The following MAPKAP1 variants were observed in gnomAD, a reference collection of about 807,000 sequenced individuals.
The protein encoded by MAPKAP1 is MAPK associated protein 1.
Under a neutral mutation model 65.7 loss-of-function variants are expected in MAPKAP1, and 20 were observed. The observed-to-expected ratio is 0.30, with a 90% CI of 0.21 to 0.44. The LOEUF (loss-of-function observed/expected upper bound fraction) is 0.44, where lower values mean the gene tolerates loss of function less well. Ranked by LOEUF, MAPKAP1 falls within the 20% of genes least tolerant of loss-of-function variation. The pLI is 1.00. For synonymous variants in MAPKAP1, 222 were observed against 244.3 expected (o/e 0.91, Z 0.85); for missense variants, 423 against 648.0 (o/e 0.65, Z 3.77).
chr9:125,558,906 A>C (rs1274594488), intron 6 of MAPKAP1, among the ~76,000 whole-genome samples: 1 of 152,226 alleles, frequency 6.6e-6, no homozygotes, highest in Non-Finnish European at 1.5e-5. Context: ...CTCTGTCATG[A>C]ACAGAAGTCA....
chr9:125,509,245 T>C lies in MAPKAP1; in HGVS notation c.959-2828A>G, dbSNP rs1829231577. Among the ~76,000 whole-genome samples the C allele has an allele frequency of 2.0e-5, 3 of 150,848 alleles. No homozygotes were observed. In the South Asian group the frequency reaches 6.3e-4, roughly 32 times the overall value. ...AAATATCACGTGTACTCCACAGATA[T>C]ATATAAACATTATGTATGAATTTTA... On this transcript the variant is annotated intron_variant, in intron 7 of 11. Coordinates refer to ENST00000265960, the MANE Select transcript of MAPKAP1 (RefSeq NM_001006617.3).
rs143369320 is a variant in MAPKAP1 at position 125,634,939 on chromosome 9, C to T, written c.498+22712G>A. Among the ~76,000 whole-genome samples, 933 of 152,246 alleles carry T rather than the reference C, an allele frequency of 6.1e-3. 16 individuals carry two copies. The highest frequency in any genetic ancestry group is 0.022 in the African/African-American group (897 of 41,530). On this transcript the variant is annotated intron_variant, in intron 4 of 11. Coordinates refer to ENST00000265960, the MANE Select transcript of MAPKAP1 (RefSeq NM_001006617.3). ...AACAAGGAAAGAACAGAAGCTGGGA[C>T]AGTAATCCACACTTTTGATGGCTAG...
intron 10 of MAPKAP1, among the ~76,000 whole-genome samples, chr9:125,449,277 A>T (rs895679102): frequency 3.3e-5 from 5 of 152,064 alleles, no homozygotes; most frequent in Non-Finnish European, 7.4e-5. Flanking sequence ...GCTGTAAAGG[A>T]GGGGATAGCA....
At position 125,439,736 on chromosome 9, in the gene MAPKAP1, C is replaced by T. The variant is rs1852412752; in HGVS notation, c.1444-724G>A. On this transcript the variant is annotated intron_variant, in intron 11 of 11. Coordinates refer to ENST00000265960, the MANE Select transcript of MAPKAP1 (RefSeq NM_001006617.3). The surrounding 1 kb of genome is among the most constrained non-coding windows in gnomAD (Gnocchi z 4.0). ...CTGCCCGGAGTCGCATGTGCATCTT[C>T]CACTCTGTGTAGCAGCTGCACCGCC... Among the ~76,000 whole-genome samples, 1 of 151,810 alleles carries T rather than the reference C, an allele frequency of 6.6e-6. No homozygotes were observed.
chr9:125,691,724 C>G (rs1314548795), intron 1 of MAPKAP1, among the ~76,000 whole-genome samples: 4 of 152,156 alleles, frequency 2.6e-5, no homozygotes, highest in African/African-American at 9.7e-5. Flanking sequence ...CTGAAGTTAG[C>G]TATCCATGCT....
chr9:125,703,775 AAAAAAAAAAAAC>A (rs942890374), intron 1 of MAPKAP1, among the ~76,000 whole-genome samples: 2 of 147,280 alleles, frequency 1.4e-5, no homozygotes, highest in African/African-American at 4.9e-5. Context: ...GTCTCAAAAA[AAAAAAAAAAAAC>A]AAGTAACGTG....
At chr9:125,538,212 G>C (rs1830128522) in intron 7 of MAPKAP1, among the ~76,000 whole-genome samples, 4 of 152,166 alleles carry the variant, frequency 2.6e-5, no homozygotes, top group Admixed American at 2.0e-4. Context: ...CTCTTTGGTT[G>C]CTGTGTAAAC....
At chr9:125,560,727 A>G (rs890906115) in intron 5 of MAPKAP1, among the ~76,000 whole-genome samples, 4 of 152,228 alleles carry the variant, frequency 2.6e-5, no homozygotes, top group African/African-American at 9.6e-5. Context: ...TTCAAACACC[A>G]TGGATCCTTA....
At chr9:125,575,737 C>T (rs1831374775) in intron 5 of MAPKAP1, among the ~76,000 whole-genome samples, 2 of 152,186 alleles carry the variant, frequency 1.3e-5, no homozygotes, top group Non-Finnish European at 2.9e-5. Flanking sequence ...CAACAACTCT[C>T]ATTCCTCACT....
intron 8 of MAPKAP1, among the ~76,000 whole-genome samples, chr9:125,488,839 C>T (rs1024663844): frequency 2.6e-5 from 4 of 152,216 alleles, no homozygotes; most frequent in Admixed American, 2.0e-4. Flanking sequence ...GAAAATAGTA[C>T]AAGGCAGAAA....
Position 125,629,750 on chromosome 9 carries a change from ATG to A in MAPKAP1, c.498+27899_498+27900del, listed in dbSNP as rs898442411. On this transcript the variant is annotated intron_variant, in intron 4 of 11. Coordinates refer to ENST00000265960, the MANE Select transcript of MAPKAP1 (RefSeq NM_001006617.3). Reference sequence around the variant, plus strand: ...AACATTGGTTAAGATGGTAAATTTTATGTGTTTTTTTGACAATTTTAACTGAA... The same window carrying A: ...AACATTGGTTAAGATGGTAAATTTTATGTTTTTTTGACAATTTTAACTGAA... Among the ~76,000 whole-genome samples the A allele has an allele frequency of 5.3e-5, 8 of 152,324 alleles. No individual in the cohort carries two copies. The South Asian group carries it at 1.0e-3, about 20-fold the overall frequency.
At chr9:125,596,517 A>C (rs1216826861) in intron 4 of MAPKAP1, 3 of 728,920 alleles carry the variant, frequency 4.1e-6, no homozygotes, top group Non-Finnish European at 7.6e-6. Context: ...TTGGAGGCAG[A>C]AGCTCTGGCA....
intron 1 of MAPKAP1, 105 bp downstream of exon 1, chr9:125,706,866 G>C: frequency 2.7e-6 from 1 of 364,214 alleles, no homozygotes; most frequent in Non-Finnish European, 4.9e-6. Context: ...CCCGGCAGGC[G>C]GCCCGCCGGG....
chr9:125,673,600 TA>T (rs1321598729), intron 1 of MAPKAP1, among the ~76,000 whole-genome samples: 1 of 152,022 alleles, frequency 6.6e-6, no homozygotes, highest in Non-Finnish European at 1.5e-5. Flanking sequence ...AACTTAATTA[TA>T]AAAACTGCTT....
rs151263819 is a variant in MAPKAP1, at chr9:125,447,910, G to A, written c.1346-3312C>T. On this transcript the variant is annotated intron_variant, in intron 10 of 11. Transcript: ENST00000265960. The surrounding 1 kb of genome is among the most constrained non-coding windows in gnomAD (Gnocchi z 4.5). ...ATGCCACAGGGCAAGGAAACGGCAT[G>A]GGCAAACATACAGGGTCTCCATGGG... is the stretch of plus-strand genomic sequence containing the variant. 3.3e-5 allele frequency among the ~76,000 whole-genome samples: 5 copies of A among 152,326 alleles called. No homozygotes were observed. The highest frequency in any genetic ancestry group is 1.9e-4 in the East Asian group (1 of 5,186).
At chr9:125,560,901 T>C (rs1026164836) in intron 5 of MAPKAP1, among the ~76,000 whole-genome samples, 4 of 152,224 alleles carry the variant, frequency 2.6e-5, no homozygotes, top group Non-Finnish European at 5.9e-5. Context: ...AAGTAAAAAG[T>C]TGATCTGTTC....
intron 5 of MAPKAP1, among the ~76,000 whole-genome samples, chr9:125,569,985 A>G (rs551316765): frequency 3.3e-5 from 5 of 152,362 alleles, no homozygotes; most frequent in Non-Finnish European, 7.3e-5. Flanking sequence ...AGTCTAAATT[A>G]TGCAGGTCAG....
chr9:125,683,134 T>A (rs913199927), intron 1 of MAPKAP1, among the ~76,000 whole-genome samples: 1 of 151,728 alleles, frequency 6.6e-6, no homozygotes, highest in African/African-American at 2.4e-5. Flanking sequence ...TTTTTTGTAT[T>A]TTTAGTAGAG....
chr9:125,450,443 GT>G (rs1852902025), intron 10 of MAPKAP1, among the ~76,000 whole-genome samples: 1 of 152,090 alleles, frequency 6.6e-6, no homozygotes, highest in Admixed American at 6.6e-5. Flanking sequence ...GTTGAGCTTA[GT>G]TTTTTTAAGT....
Sources: gnomAD v4.1 joint callset for allele counts (sites outside exome capture counted in the v4.1 genomes callset) on GRCh38, gnomAD v4.1.1 for gene constraint, Gnocchi (gnomAD v3.1) non-coding constraint, MANE v1.5 for transcripts, NCBI Gene and HGNC (gene_info 2026-07-23, HGNC 2026-07-21) for gene names.